The following PCDHGB1 variants were observed in gnomAD, a reference collection of about 807,000 sequenced individuals.
PCDHGB1 encodes the protein protocadherin gamma subfamily B, 1, also known as protocadherin gamma-B1.
In PCDHGB1, 34 loss-of-function variants were observed where a neutral mutation model predicts 56.6. That is an observed-to-expected ratio of 0.60 (90% confidence interval 0.46 to 0.80). The LOEUF (loss-of-function observed/expected upper bound fraction) is 0.80. Among genes scored for constraint, PCDHGB1 ranks in the 30% least tolerant of loss-of-function variants. PCDHGB1 has a pLI of 0.00. For missense variants in PCDHGB1, 1,278 were observed against 1,204.6 expected (o/e 1.06, Z -0.90); for synonymous variants, 561 against 505.9 (o/e 1.11, Z -1.46).
intron 1 of PCDHGB1, chr5:141,377,128 G>A (rs1175570742): frequency 6.6e-6 from 1 of 152,206 alleles, no homozygotes; most frequent in Admixed American, 6.5e-5. Context: ...TCTTAATTTT[G>A]TGGGGGAAAA....
chr5:141,480,336 G>A (rs755963190), intron 1 of PCDHGB1, among the ~76,000 whole-genome samples: 1 of 151,988 alleles, frequency 6.6e-6, no homozygotes, highest in Non-Finnish European at 1.5e-5. Flanking sequence ...AATTGCTTGA[G>A]CCTGGGAGGT....
chr5:141,463,990 G>C (rs2099073582), intron 1 of PCDHGB1, among the ~76,000 whole-genome samples: 1 of 151,990 alleles, frequency 6.6e-6, no homozygotes, highest in Admixed American at 6.6e-5. Context: ...TAAAAACCAG[G>C]TGCAGTGGCT....
At chr5:141,502,724 C>T (rs1288841230) in intron 2 of PCDHGB1, among the ~76,000 whole-genome samples, 2 of 152,134 alleles carry the variant, frequency 1.3e-5, no homozygotes, top group African/African-American at 4.8e-5. Context: ...GATTACAAAG[C>T]GGTGATGTTC....
intron 1 of PCDHGB1, chr5:141,384,222 G>A: frequency 1.2e-6 from 2 of 1,613,868 alleles, no homozygotes; most frequent in South Asian, 2.2e-5. Context: ...TATTCATGCA[G>A]GTGGCAGACA....
chr5:141,361,424 C>G, intron 1 of PCDHGB1: 1 of 1,614,030 alleles, frequency 6.2e-7, no homozygotes, highest in Non-Finnish European at 8.5e-7. Context: ...GGGGGCAAGC[C>G]GCCCCTCTCC....
At chr5:141,509,805 G>A (rs150684746) in intron 3 of PCDHGB1, among the ~76,000 whole-genome samples, 2 of 152,248 alleles carry the variant, frequency 1.3e-5, no homozygotes, top group Middle Eastern at 3.4e-3. Flanking sequence ...GCTTCATAGA[G>A]CCGAGCTCTT....
chr5:141,358,975 A>C (rs1242979325), intron 1 of PCDHGB1, among the ~76,000 whole-genome samples: 1 of 152,266 alleles, frequency 6.6e-6, no homozygotes, highest in Non-Finnish European at 1.5e-5. Flanking sequence ...GTGAGAATTC[A>C]AAATTCATGA....
chr5:141,365,735 GTC>G (rs779265335), intron 1 of PCDHGB1: 509 of 1,613,626 alleles, frequency 3.2e-4, no homozygotes, highest in Non-Finnish European at 3.1e-4. Flanking sequence ...TCCCAGAGGT[GTC>G]TCTATCTTCT....
chr5:141,362,346 TG>T (rs759838965), intron 1 of PCDHGB1: 3 of 1,614,088 alleles, frequency 1.9e-6, no homozygotes, highest in Non-Finnish European at 2.5e-6. Context: ...AGCCTGGACC[TG>T]GGGTTCTCCC....
chr5:141,362,316 T>G (rs1561526440), intron 1 of PCDHGB1: 1 of 1,614,050 alleles, frequency 6.2e-7, no homozygotes, highest in South Asian at 1.1e-5. Context: ...GGGACTGTTT[T>G]CAGCCTGGTC....
rs112156044 is a variant in PCDHGB1, at chr5:141,476,771, G to T, written c.2410-18036G>T. ...CCAGTTAGTGCTGACGGCGTTGGAC[G>T]GAGGGACCCCAGCTCTCTCCGCCAG... On this transcript the variant is annotated intron_variant, in intron 1 of 3. Coordinates refer to ENST00000523390, the MANE Select transcript of PCDHGB1 (RefSeq NM_018922.3). The surrounding 1 kb of genome is among the most constrained non-coding windows in gnomAD (Gnocchi z 7.6). The T allele has an allele frequency of 6.2e-7, 1 of 1,613,700 alleles. No homozygotes were observed. The highest frequency in any genetic ancestry group is 1.1e-5 in the South Asian group (1 of 91,084).
intron 1 of PCDHGB1, chr5:141,378,924 G>T (rs1426450881): frequency 6.6e-6 from 1 of 152,202 alleles, no homozygotes; most frequent in Non-Finnish European, 1.5e-5. Flanking sequence ...TCAAAAGTAA[G>T]TTGATGGCCC....
chr5:141,422,253 T>C (rs917280432), intron 1 of PCDHGB1: 58 of 1,566,438 alleles, frequency 3.7e-5, no homozygotes, highest in Non-Finnish European at 5.0e-5. Context: ...TGGATGTGAA[T>C]GATAACGCTC....
chr5:141,464,180 G>T (rs1251683320), intron 1 of PCDHGB1, among the ~76,000 whole-genome samples: 1 of 151,340 alleles, frequency 6.6e-6, no homozygotes, highest in Non-Finnish European at 1.5e-5. Flanking sequence ...CAGGAGAATT[G>T]CTTGATTTCA....
Position 141,489,331 on chromosome 5 carries a change from C to G in PCDHGB1, c.2410-5476C>G. ...CTGCTGGGGCTGGGTGTCTGGGCAG[C>G]TTCGTTACTCAGTGGTGGAGGAGTC... On this transcript the variant is annotated intron_variant, in intron 1 of 3. Coordinates refer to ENST00000523390, the MANE Select transcript of PCDHGB1 (RefSeq NM_018922.3). The surrounding 1 kb of genome is among the most constrained non-coding windows in gnomAD (Gnocchi z 4.5). 1 of 1,605,478 alleles carries G rather than the reference C, an allele frequency of 6.2e-7. No homozygotes were observed. Among genetic ancestry groups the G allele is most frequent in the Non-Finnish European group, 8.5e-7 (1 of 1,174,878 alleles).
At chr5:141,416,722 A>C (rs891558095) in intron 1 of PCDHGB1, 3 of 152,258 alleles carry the variant, frequency 2.0e-5, no homozygotes, top group African/African-American at 7.2e-5. Context: ...TGATGAGTTC[A>C]TTTAGTTCAA....
At chr5:141,390,352 A>G (rs1340044054) in intron 1 of PCDHGB1, 2 of 1,557,524 alleles carry the variant, frequency 1.3e-6, no homozygotes, top group African/African-American at 2.7e-5. Context: ...GAAAATATAC[A>G]TATTTGCAGG....
chr5:141,491,379 A>G lies in PCDHGB1; in HGVS notation c.2410-3428A>G, dbSNP rs140150079. 423 of 1,613,968 alleles carry G rather than the reference A, an allele frequency of 2.6e-4. No homozygotes were observed. Among genetic ancestry groups the G allele is most frequent in the Non-Finnish European group, 3.0e-4 (359 of 1,179,986 alleles). On this transcript the variant is annotated intron_variant, in intron 1 of 3. Transcript: ENST00000523390. The surrounding 1 kb of genome is among the most constrained non-coding windows in gnomAD (Gnocchi z 6.9). ...CCCTAGTCACCTTCACCTTTCTGTC[A>G]GCGAAGTGCCTTCAGGGAAACGCAG...
chr5:141,507,754 C>T (rs1488474557), intron 3 of PCDHGB1, among the ~76,000 whole-genome samples: 7 of 152,242 alleles, frequency 4.6e-5, no homozygotes, highest in Admixed American at 2.0e-4. Flanking sequence ...GTCAAGGCCT[C>T]CCACCTTTGG....
Sources: allele counts gnomAD v4.1 joint callset (sites outside exome capture counted in the v4.1 genomes callset), GRCh38; gene constraint gnomAD v4.1.1; non-coding constraint Gnocchi (gnomAD v3.1); transcripts MANE v1.5; gene names NCBI Gene and HGNC (gene_info 2026-07-23, HGNC 2026-07-21).